CTNNA2: variants seen among roughly 807,000 people sequenced by gnomAD.
CTNNA2 encodes the protein catenin alpha 2, also known as catenin alpha-2.
A neutral mutation model predicts 101.0 loss-of-function variants in CTNNA2; 42 were observed. That is an observed-to-expected ratio of 0.42 (90% CI 0.32 to 0.54). The LOEUF is 0.54. Ranked by LOEUF, CTNNA2 falls within the 20% of genes least tolerant of loss-of-function variation. CTNNA2 has a pLI of 0.14. For synonymous variants in CTNNA2, 450 were observed against 456.4 expected, an observed-to-expected ratio of 0.99 and a Z score of 0.18; for missense variants, 871 against 1,223.1, an observed-to-expected ratio of 0.71 and a Z score of 4.29.
intron 1 of CTNNA2, among the ~76,000 whole-genome samples, chr2:79,596,471 C>T (rs1677197409): frequency 6.6e-6 from 1 of 151,934 alleles, no homozygotes; most frequent in Non-Finnish European, 1.5e-5. Flanking sequence ...GGAAATTGCA[C>T]TATAAAAGGA....
chr2:80,136,104 T>G (rs1702679552), intron 7 of CTNNA2, among the ~76,000 whole-genome samples: 2 of 152,198 alleles, frequency 1.3e-5, no homozygotes. Context: ...TCTTGGTTTT[T>G]GTATAGTAGT....
At chr2:80,418,824 T>C (rs1680261532) in intron 8 of CTNNA2, among the ~76,000 whole-genome samples, 2 of 152,236 alleles carry the variant, frequency 1.3e-5, no homozygotes, top group Admixed American at 6.5e-5. Flanking sequence ...GGGAATGATG[T>C]ATAATTATGC....
At chr2:79,554,138 A>T (rs1002343378) in intron 1 of CTNNA2, among the ~76,000 whole-genome samples, 1 of 152,092 alleles carries the variant, frequency 6.6e-6, no homozygotes, top group African/African-American at 2.4e-5. Flanking sequence ...GCCAAGGTGG[A>T]TGGAGAATTG....
intron 2 of CTNNA2, among the ~76,000 whole-genome samples, chr2:79,700,084 G>A (rs957142404): frequency 6.6e-6 from 1 of 151,442 alleles, no homozygotes; most frequent in African/African-American, 2.4e-5. Context: ...CTGAAGACAG[G>A]GACACATTAC....
intron 2 of CTNNA2, among the ~76,000 whole-genome samples, chr2:79,207,811 G>A (rs901091636): frequency 6.6e-6 from 1 of 152,144 alleles, no homozygotes; most frequent in Non-Finnish European, 1.5e-5. Flanking sequence ...CACCAGAAGA[G>A]GCTGAGGAAA....
chr2:79,924,271 G>A (rs1686874134), intron 7 of CTNNA2, among the ~76,000 whole-genome samples: 2 of 152,018 alleles, frequency 1.3e-5, no homozygotes, highest in South Asian at 4.1e-4. Flanking sequence ...AGAAGCTGAT[G>A]TCTCAAATTT....
chr2:79,828,537 G>C (rs952277599), intron 3 of CTNNA2, among the ~76,000 whole-genome samples: 2 of 152,142 alleles, frequency 1.3e-5, no homozygotes, highest in African/African-American at 4.8e-5. Context: ...AAGAATACTG[G>C]AAAAACTTAC....
intron 7 of CTNNA2, among the ~76,000 whole-genome samples, chr2:79,982,209 TA>T (rs1329990738): frequency 0.014 from 401 of 28,798 alleles, 31 homozygotes; most frequent in African/African-American, 0.05. Flanking sequence ...TATATATATA[TA>T]TATATATATA....
At chr2:80,470,785 A>T (rs1186605210) in intron 9 of CTNNA2, among the ~76,000 whole-genome samples, 1 of 152,204 alleles carries the variant, frequency 6.6e-6, no homozygotes, top group African/African-American at 2.4e-5. Context: ...AGATTTTCTG[A>T]TTGTGATAAA....
At chr2:79,669,849 G>A (rs564987174) in intron 2 of CTNNA2, among the ~76,000 whole-genome samples, 2 of 152,146 alleles carry the variant, frequency 1.3e-5, no homozygotes, top group African/African-American at 4.8e-5. Context: ...GGGAGGAAGT[G>A]CATGCCCATT....
chr2:79,608,966 G>T (rs781049547), intron 1 of CTNNA2, among the ~76,000 whole-genome samples: 1 of 151,826 alleles, frequency 6.6e-6, no homozygotes, highest in Non-Finnish European at 1.5e-5. Flanking sequence ...GAGAAAATGG[G>T]GTTGTCTGTG....
At chr2:79,501,355 G>T (rs767955035) in intron 4 of CTNNA2, among the ~76,000 whole-genome samples, 3 of 152,086 alleles carry the variant, frequency 2.0e-5, no homozygotes, top group Non-Finnish European at 4.4e-5. Context: ...TGGCCTCTTG[G>T]CTGGTCTTAA....
intron 2 of CTNNA2, among the ~76,000 whole-genome samples, chr2:79,256,683 C>A (rs192285403): frequency 1.3e-5 from 2 of 152,170 alleles, no homozygotes; most frequent in Non-Finnish European, 2.9e-5. Flanking sequence ...CCGAGTTACT[C>A]CTGGGAGTAG....
At chr2:80,543,802 G>T (rs1691792089) in intron 9 of CTNNA2, among the ~76,000 whole-genome samples, 1 of 152,160 alleles carries the variant, frequency 6.6e-6, no homozygotes, top group Non-Finnish European at 1.5e-5. Context: ...GAGGAGAGCA[G>T]CCCAGTTTTG....
At chr2:79,532,321 T>C (rs1236770416) in intron 1 of CTNNA2, among the ~76,000 whole-genome samples, 1 of 152,136 alleles carries the variant, frequency 6.6e-6, no homozygotes, top group East Asian at 1.9e-4. Flanking sequence ...ATAAGCTTTG[T>C]GACGACTCTG....
chr2:80,333,745 C>T (rs1559017596), intron 7 of CTNNA2, among the ~76,000 whole-genome samples: 3 of 152,286 alleles, frequency 2.0e-5, no homozygotes, highest in East Asian at 1.9e-4. Flanking sequence ...CTGCCTCAGA[C>T]TCTGAGTGGC....
intron 3 of CTNNA2, among the ~76,000 whole-genome samples, chr2:79,328,558 G>T (rs1349392508): frequency 1.3e-5 from 2 of 152,124 alleles, no homozygotes; most frequent in African/African-American, 4.8e-5. Context: ...GGTATTAAGG[G>T]CTGGTAGTGT....
chr2:80,319,840 T>C (rs1455378263), intron 7 of CTNNA2, among the ~76,000 whole-genome samples: 1 of 152,230 alleles, frequency 6.6e-6, no homozygotes, highest in Non-Finnish European at 1.5e-5. Flanking sequence ...TTTGATGTTC[T>C]GTATAAAGAC....
chr2:79,443,701 G>T (rs1346913883), intron 4 of CTNNA2, among the ~76,000 whole-genome samples: 1 of 150,714 alleles, frequency 6.6e-6, no homozygotes, highest in Non-Finnish European at 1.5e-5. Flanking sequence ...TACATTTTAA[G>T]AAAAAAAAAT....
Sources: gnomAD v4.1 joint callset for allele counts (sites outside exome capture counted in the v4.1 genomes callset) on GRCh38, gnomAD v4.1.1 for gene constraint, MANE v1.5 for transcripts, NCBI Gene and HGNC (gene_info 2026-07-23, HGNC 2026-07-21) for gene names.